DLC1: variants seen among roughly 807,000 people sequenced by gnomAD.
DLC1 encodes the protein rho GTPase-activating protein 7.
Under a neutral mutation model 140.3 loss-of-function variants are expected in DLC1, and 54 were observed. That is an observed-to-expected ratio of 0.38 (90% CI 0.31 to 0.48). The LOEUF is 0.48. Ranked by LOEUF, DLC1 falls within the 20% of genes least tolerant of loss-of-function variation. The pLI, the probability that DLC1 is intolerant of heterozygous loss-of-function variation, is 0.96. For synonymous variants in DLC1, 986 were observed against 728.1 expected (o/e 1.35, Z -5.70); for missense variants, 2,536 against 1,907.0 (o/e 1.33, Z -6.14).
Position 13,537,693 on chromosome 8 carries a change from A to G in DLC1, c.-125-37497T>C, listed in dbSNP as rs550991376. 7.9e-3 allele frequency among the ~76,000 whole-genome samples: 984 copies of G among 124,768 alleles called. 8 individuals carry two copies. Among genetic ancestry groups the G allele is most frequent in the Non-Finnish European group, 0.011 (699 of 63,842 alleles). 81.9% of individuals were successfully genotyped at this position (124,768 alleles called of 152,430 possible). A position where few individuals can be genotyped will look rare whatever the true frequency, so the allele number is the denominator to read the frequency against. On this transcript the variant is annotated intron_variant, in intron 1 of 1. Transcript: ENST00000631382. ...TTTTGAGACGGAGTCTCTCTCTGTC[A>G]CCCAGGCTAGAATGCAGTGGCGCGA...
chr8:13,567,241 A>C, intron 1 of DLC1: 1 of 1,551,684 alleles, frequency 6.4e-7, no homozygotes. Flanking sequence ...AAAGAAGTTG[A>C]GTAAAAAATG....
intron 4 of DLC1, among the ~76,000 whole-genome samples, chr8:13,321,324 G>C (rs1415376416): frequency 2.0e-5 from 3 of 151,990 alleles, no homozygotes; most frequent in African/African-American, 4.8e-5. Context: ...CAGGTCACAA[G>C]GTCAGGAGAT....
At chr8:13,565,278 T>G (rs1264998950) in intron 1 of DLC1, among the ~76,000 whole-genome samples, 1 of 152,206 alleles carries the variant, frequency 6.6e-6, no homozygotes, top group Non-Finnish European at 1.5e-5. Context: ...CCCCAGACAT[T>G]TGGCATGTTA....
intron 5 of DLC1, among the ~76,000 whole-genome samples, chr8:13,301,887 A>G (rs928294226): frequency 3.9e-5 from 6 of 152,188 alleles, no homozygotes; most frequent in African/African-American, 1.2e-4. Context: ...CTGAGGTGGA[A>G]CAATTTCATC....
chr8:13,501,827 A>G (rs1036009224), intron 1 of DLC1, among the ~76,000 whole-genome samples: 2 of 152,202 alleles, frequency 1.3e-5, no homozygotes, highest in African/African-American at 4.8e-5. Flanking sequence ...AATTCCATGC[A>G]TAAGTCATTA....
intron 5 of DLC1, among the ~76,000 whole-genome samples, chr8:13,122,806 A>AG (rs1467078347): frequency 6.6e-6 from 1 of 151,840 alleles, no homozygotes. Flanking sequence ...TAGTCTGAAA[A>AG]AAAAAAAAAA....
intron 2 of DLC1, among the ~76,000 whole-genome samples, chr8:13,454,578 T>C (rs956320182): frequency 5.3e-5 from 8 of 152,144 alleles, no homozygotes; most frequent in African/African-American, 1.9e-4. Flanking sequence ...TCTTCAGAGA[T>C]AGGGTCTTGC....
chr8:13,290,318 A>G (rs1253805868), intron 5 of DLC1, among the ~76,000 whole-genome samples: 5 of 152,150 alleles, frequency 3.3e-5, no homozygotes, highest in Non-Finnish European at 7.3e-5. Context: ...CCTGGAGAGT[A>G]TGTTAATATT....
chr8:13,423,893 C>G (rs1048244130), intron 2 of DLC1, among the ~76,000 whole-genome samples: 3 of 152,060 alleles, frequency 2.0e-5, no homozygotes, highest in Non-Finnish European at 2.9e-5. Flanking sequence ...TGATCCATTA[C>G]AGACTCAGAA....
At chr8:13,602,261 T>C (rs954967768) in intron 1 of DLC1, among the ~76,000 whole-genome samples, 2 of 151,766 alleles carry the variant, frequency 1.3e-5, no homozygotes, top group Non-Finnish European at 3.0e-5. Flanking sequence ...AGAAGAACTT[T>C]TAGACTAAAA....
intron 1 of DLC1, among the ~76,000 whole-genome samples, chr8:13,560,439 T>G (rs772231820): frequency 8.9e-5 from 13 of 145,622 alleles, no homozygotes; most frequent in Non-Finnish European, 1.9e-4. Flanking sequence ...CCACAGATGT[T>G]CACCTAAAAT....
intron 3 of DLC1, among the ~76,000 whole-genome samples, chr8:13,400,028 C>T (rs571292215): frequency 6.6e-6 from 1 of 151,892 alleles, no homozygotes; most frequent in South Asian, 2.1e-4. Flanking sequence ...TTCCACTACA[C>T]AATTATCAGA....
At chr8:13,199,240 A>G (rs1380990602) in intron 5 of DLC1, among the ~76,000 whole-genome samples, 1 of 133,460 alleles carries the variant, frequency 7.5e-6, no homozygotes, top group Non-Finnish European at 1.5e-5. Context: ...GGTAGAGTAC[A>G]GTGGTGCAAT....
chr8:13,097,460 C>T (rs778283385), intron 10 of DLC1, among the ~76,000 whole-genome samples: 16 of 152,014 alleles, frequency 1.1e-4, no homozygotes, highest in South Asian at 4.2e-4. Context: ...GATGGGGTTT[C>T]GCCATGTTGG....
At chr8:13,464,456 G>T (rs577904287) in intron 2 of DLC1, among the ~76,000 whole-genome samples, 2 of 151,668 alleles carry the variant, frequency 1.3e-5, no homozygotes, top group South Asian at 4.2e-4. Flanking sequence ...ATGGTTAAAC[G>T]CAATCACATT....
At position 13,471,837 on chromosome 8, in the gene DLC1, C is replaced by T. The variant is rs144609628; in HGVS notation, c.1023+27212G>A. Among the ~76,000 whole-genome samples the T allele has an allele frequency of 1.3e-4, 20 of 152,312 alleles. No individual in the cohort carries two copies. In the East Asian group the frequency reaches 3.5e-3, roughly 27 times the overall value. On this transcript the variant is annotated intron_variant, in intron 2 of 17. Transcript: ENST00000276297. Reference sequence around the variant, plus strand: ...CCTATCTCACTCCCTTCCACCCCCACGCTGAAGCCACTCCCAAGCTCACTG... The same window carrying T: ...CCTATCTCACTCCCTTCCACCCCCATGCTGAAGCCACTCCCAAGCTCACTG...
chr8:13,160,211 T>C (rs1824579146), intron 5 of DLC1: 1 of 152,216 alleles, frequency 6.6e-6, no homozygotes, highest in South Asian at 2.1e-4. Flanking sequence ...CTACAACGAA[T>C]TGATCACAAC....
chr8:13,099,910 G>C lies in DLC1; in HGVS notation c.2427C>G (p.Ile809Met), dbSNP rs138787411. The C allele has an allele frequency of 4.3e-6, 7 of 1,614,058 alleles. No individual in the cohort carries two copies. The highest frequency in any genetic ancestry group is 5.1e-6 in the Non-Finnish European group (6 of 1,180,032). ...ESYPEDTVFY[I>M]PEDHKPGTFP... is the part of the protein sequence containing the mutation. ...AAGTGCCAGGCTTGTGATCTTCAGG[G>C]ATGTAGAACACCGTGTCCTCTGGGT... The change falls in exon 9 of 18, where the codon ATC becomes ATG. Residue 809 changes from isoleucine (I) to methionine (M), a missense_variant. Physicochemically the swap from Ile to Met is conservative, Grantham distance 10. Transcript: ENST00000276297.
intron 4 of DLC1, among the ~76,000 whole-genome samples, chr8:13,380,636 T>G (rs1208084762): frequency 1.3e-5 from 2 of 152,198 alleles, no homozygotes; most frequent in Admixed American, 6.6e-5. Flanking sequence ...GAAGTGTTCT[T>G]ATCTCTCAGA....
Sources: gnomAD v4.1 joint callset for allele counts (sites outside exome capture counted in the v4.1 genomes callset) on GRCh38, gnomAD v4.1.1 for gene constraint, MANE v1.5 for transcripts, NCBI Gene and HGNC (gene_info 2026-07-23, HGNC 2026-07-21) for gene names.